The following CHN2 variants were observed in gnomAD, a reference collection of about 807,000 sequenced individuals.
CHN2 encodes the protein chimerin 2.
Under a neutral mutation model 56.3 loss-of-function variants are expected in CHN2, and 35 were observed. That is an observed-to-expected ratio of 0.62 (90% CI 0.47 to 0.82). CHN2 has a LOEUF of 0.82. Among genes scored for constraint, CHN2 ranks in the 40% least tolerant of loss-of-function variants. The pLI, the probability that CHN2 is intolerant of heterozygous loss-of-function variation, is 0.00. For missense variants in CHN2, 491 were observed against 580.5 expected (o/e 0.85, Z 1.58); for synonymous variants, 210 against 212.8 (o/e 0.99, Z 0.12).
intron 1 of CHN2, among the ~76,000 whole-genome samples, chr7:29,339,489 T>C (rs1311330850): frequency 6.6e-6 from 1 of 152,210 alleles, no homozygotes; most frequent in East Asian, 1.9e-4. Context: ...GCCTTCATAG[T>C]ATTCCACAGC....
intron 6 of CHN2, among the ~76,000 whole-genome samples, chr7:29,465,800 T>C (rs777050795): frequency 6.6e-5 from 10 of 152,176 alleles, no homozygotes; most frequent in Non-Finnish European, 1.3e-4. Flanking sequence ...CCATTATTGA[T>C]AAAAAATTTT....
At chr7:29,369,900 A>G (rs538190277) in intron 3 of CHN2, among the ~76,000 whole-genome samples, 2 of 152,168 alleles carry the variant, frequency 1.3e-5, no homozygotes, top group South Asian at 2.1e-4. Flanking sequence ...GACCTTACCA[A>G]TTTGATATAT....
chr7:29,375,786 C>A (rs1425136964), intron 3 of CHN2, among the ~76,000 whole-genome samples: 1 of 152,118 alleles, frequency 6.6e-6, no homozygotes, highest in East Asian at 1.9e-4. Flanking sequence ...AAACACAGAG[C>A]AAATGTCACA....
chr7:29,397,511 A>AT (rs1300604231), intron 4 of CHN2: 3 of 152,154 alleles, frequency 2.0e-5, no homozygotes, highest in African/African-American at 7.2e-5. Context: ...GGACTGCCTC[A>AT]TTTCCCCAAC....
At chr7:29,190,128 C>G (rs1782705055), upstream of CHN2, among the ~76,000 whole-genome samples, 1 of 152,218 alleles carries the variant, frequency 6.6e-6, no homozygotes. Context: ...CCAATGCGTT[C>G]TCTTTCTCAG....
intron 2 of CHN2, among the ~76,000 whole-genome samples, chr7:29,163,169 G>A (rs553155707): frequency 5.3e-5 from 8 of 151,966 alleles, no homozygotes; most frequent in Non-Finnish European, 1.0e-4. Context: ...TTCTATTATG[G>A]GAAAATTTTT....
chr7:29,393,788 C>G, intron 4 of CHN2, 78 bp downstream of exon 4: 1 of 512,830 alleles, frequency 1.9e-6, no homozygotes, highest in Non-Finnish European at 3.1e-6. Context: ...TACAAATTTT[C>G]TAATATATGG....
intron 2 of CHN2, among the ~76,000 whole-genome samples, chr7:29,163,539 A>G (rs563621274): frequency 1.3e-5 from 2 of 152,276 alleles, no homozygotes; most frequent in Non-Finnish European, 2.9e-5. Flanking sequence ...CTAAGAGACA[A>G]TATCCATTTT....
chr7:29,446,012 G>A (rs2128127344), intron 6 of CHN2, among the ~76,000 whole-genome samples: 1 of 152,120 alleles, frequency 6.6e-6, no homozygotes, highest in East Asian at 1.9e-4. Flanking sequence ...AGCCTTGGAG[G>A]CACATGAGCA....
chr7:29,327,715 G>T (rs1199360064), intron 1 of CHN2, among the ~76,000 whole-genome samples: 1 of 152,146 alleles, frequency 6.6e-6, no homozygotes, highest in Non-Finnish European at 1.5e-5. Flanking sequence ...AGCATCTGGA[G>T]CCTAGAGCGC....
At chr7:29,223,903 G>A (rs138279460) in intron 1 of CHN2, among the ~76,000 whole-genome samples, 1 of 152,150 alleles carries the variant, frequency 6.6e-6, no homozygotes, top group South Asian at 2.1e-4. Flanking sequence ...TAGTTGCGAT[G>A]TATTGACACC....
intron 1 of CHN2, among the ~76,000 whole-genome samples, chr7:29,261,429 G>A (rs1219890633): frequency 6.6e-6 from 1 of 152,168 alleles, no homozygotes; most frequent in Non-Finnish European, 1.5e-5. Context: ...ATTTCCTCCA[G>A]CAGGGCCCTG....
chr7:29,175,636 A>T (rs1276736817), intron 2 of CHN2, among the ~76,000 whole-genome samples: 1 of 152,132 alleles, frequency 6.6e-6, no homozygotes, highest in Non-Finnish European at 1.5e-5. Flanking sequence ...GTAGATTACC[A>T]ATCTTGAGTA....
intron 1 of CHN2, among the ~76,000 whole-genome samples, chr7:29,263,656 G>A (rs1789781482): frequency 1.3e-5 from 2 of 151,638 alleles, no homozygotes; most frequent in African/African-American, 4.8e-5. Flanking sequence ...TATGGGAAGT[G>A]AGGAGCGCCT....
At chr7:29,307,023 G>T (rs769926352) in intron 1 of CHN2, among the ~76,000 whole-genome samples, 1 of 152,202 alleles carries the variant, frequency 6.6e-6, no homozygotes, top group East Asian at 1.9e-4. Context: ...GAGGACATCC[G>T]TAATCTCTCA....
chr7:29,367,904 C>T (rs745769388), intron 2 of CHN2, 28 bp from the exon 3 acceptor site: 13 of 673,432 alleles, frequency 1.9e-5, no homozygotes, highest in African/African-American at 5.5e-5. Context: ...CTAATTATTT[C>T]TCTCTCTCTC....
At chr7:29,482,844 C>T (rs1787464524) in intron 7 of CHN2, among the ~76,000 whole-genome samples, 2 of 76,576 alleles carry the variant, frequency 2.6e-5, no homozygotes, top group African/African-American at 9.8e-5. Context: ...TTTTTTGAGA[C>T]GGAGTCTCGC....
chr7:29,509,852 A>AAG (rs1791083053), intron 12 of CHN2, among the ~76,000 whole-genome samples: 1 of 151,904 alleles, frequency 6.6e-6, no homozygotes, highest in East Asian at 1.9e-4. Context: ...CTCAAAAAAA[A>AAG]AAAAAAAAGA....
At position 29,273,335 on chromosome 7, in the gene CHN2, ATATATG is replaced by A. The variant is rs1181100185; in HGVS notation, c.49+78347_49+78352del. On this transcript the variant is annotated intron_variant, in intron 1 of 12. Transcript: ENST00000222792. ...ATAATATTCCATCATGCATATATAT[ATATATG>A]TGTATATATATATATATATATATAT... Among the ~76,000 whole-genome samples the A allele has an allele frequency of 5.5e-4, 48 of 86,518 alleles. 2 individuals carry two copies. Among genetic ancestry groups the A allele is most frequent in the African/African-American group, 3.2e-3 (46 of 14,192 alleles). The allele number at this position is 86,518 out of a possible 152,430, so 56.8% of individuals were successfully genotyped here.
Sources: allele counts gnomAD v4.1 joint callset (sites outside exome capture counted in the v4.1 genomes callset), GRCh38; gene constraint gnomAD v4.1.1; transcripts MANE v1.5; gene names NCBI Gene and HGNC (gene_info 2026-07-23, HGNC 2026-07-21).